The following VWA8 variants were observed in gnomAD, a reference collection of about 807,000 sequenced individuals.
VWA8 encodes the protein von Willebrand factor A domain containing 8.
Under a neutral mutation model 241.5 loss-of-function variants are expected in VWA8, and 221 were observed. The ratio of observed to expected loss-of-function variants is 0.91; its 90% CI spans 0.82 to 1.02. The LOEUF is 1.02. VWA8 is among the 50% of genes least tolerant of loss of function. The pLI is 0.00. For missense variants in VWA8, 2,322 were observed against 2,328.7 expected (o/e 1.00, Z 0.06); for synonymous variants, 852 against 827.1 (o/e 1.03, Z -0.52).
chr13:41,638,792 T>C (rs1375127084), intron 37 of VWA8, among the ~76,000 whole-genome samples: 2 of 152,130 alleles, frequency 1.3e-5, no homozygotes, highest in African/African-American at 4.8e-5. Context: ...ATTAGAATGA[T>C]AGGAGGTGAG....
intron 35 of VWA8, among the ~76,000 whole-genome samples, chr13:41,682,623 C>T (rs1029619366): frequency 2.0e-5 from 3 of 152,090 alleles, no homozygotes; most frequent in Non-Finnish European, 4.4e-5. Flanking sequence ...TGGCATGTGC[C>T]TGTAGTCTCA....
intron 19 of VWA8, among the ~76,000 whole-genome samples, chr13:41,782,824 T>A (rs1482522367): frequency 2.0e-5 from 3 of 151,904 alleles, no homozygotes; most frequent in Non-Finnish European, 4.4e-5. Flanking sequence ...CATTTTTATA[T>A]TATAGGTAAT....
intron 9 of VWA8, among the ~76,000 whole-genome samples, chr13:41,870,541 GGT>G (rs1873543886): frequency 6.6e-6 from 1 of 151,500 alleles, no homozygotes; most frequent in Admixed American, 6.6e-5. Flanking sequence ...CGGGAGGCTG[GGT>G]CAGGAGAATC....
At chr13:41,881,392 T>C (rs1315426732) in intron 9 of VWA8, among the ~76,000 whole-genome samples, 1 of 23,122 alleles carries the variant, frequency 4.3e-5, no homozygotes, top group Admixed American at 8.1e-4. Context: ...GGGGGGGGGG[T>C]AAGGTCACAG....
intron 1 of VWA8, among the ~76,000 whole-genome samples, chr13:41,958,740 C>T (rs542922372): frequency 6.6e-6 from 1 of 152,332 alleles, no homozygotes; most frequent in South Asian, 2.1e-4. Context: ...ACAGTTCTCA[C>T]ACCCTCAAAA....
chr13:41,754,715 T>C (rs2045681409), intron 21 of VWA8, among the ~76,000 whole-genome samples: 1 of 152,100 alleles, frequency 6.6e-6, no homozygotes, highest in Non-Finnish European at 1.5e-5. Context: ...ATAACTATAT[T>C]TTTGTACTCA....
chr13:41,763,326 T>C (rs1218985425), intron 20 of VWA8, among the ~76,000 whole-genome samples: 1 of 150,582 alleles, frequency 6.6e-6, no homozygotes, highest in South Asian at 2.1e-4. Flanking sequence ...GATAGATAGA[T>C]AGATAGATAG....
rs1231581938 is a variant in VWA8 at position 41,699,108 on chromosome 13, C to T, written c.3527G>A (p.Ser1176Asn). Reference protein sequence around the residue: ...HPFVTVAPLGSPLKGQVVLHE... With the variant: ...HPFVTVAPLGNPLKGQVVLHE... Reference sequence around the variant, plus strand: ...GAGAACCACTTGACCTTTGAGAGGACTTCCCAGCGGTGCCACTGTCACAAA... The same window carrying T: ...GAGAACCACTTGACCTTTGAGAGGATTTCCCAGCGGTGCCACTGTCACAAA... The change falls in exon 29 of 45, where the codon AGT (serine) becomes AAT (asparagine). Residue 1176 changes from serine to asparagine, a missense_variant. By Grantham distance (46) the Ser-to-Asn change is conservative (BLOSUM62 1). Coordinates refer to ENST00000379310, the MANE Select transcript of VWA8 (RefSeq NM_015058.2). The T allele has an allele frequency of 6.2e-7, 1 of 1,613,866 alleles. No individual in the cohort carries two copies. Among genetic ancestry groups the T allele is most frequent in the Non-Finnish European group, 8.5e-7 (1 of 1,179,908 alleles).
At chr13:41,830,441 G>A in intron 14 of VWA8, 88 bp downstream of exon 14, 1 of 1,069,668 alleles carries the variant, frequency 9.3e-7, no homozygotes, top group East Asian at 2.7e-5. Flanking sequence ...AGTTATCTTG[G>A]CATTATTCTA....
chr13:41,799,400 TCA>T (rs1869847701), intron 17 of VWA8, among the ~76,000 whole-genome samples: 1 of 152,206 alleles, frequency 6.6e-6, no homozygotes, highest in Non-Finnish European at 1.5e-5. Context: ...ACATGGACCC[TCA>T]CACCTGCACC....
rs750130861 is a variant in VWA8 at position 41,885,908 on chromosome 13, T to C, written c.975+12A>G. The C allele has an allele frequency of 1.3e-6, 2 of 1,554,042 alleles. No homozygotes were observed. Among genetic ancestry groups the C allele is most frequent in the Non-Finnish European group, 1.7e-6 (2 of 1,151,448 alleles). On this transcript the variant is annotated intron_variant, in intron 8 of 44. Coordinates refer to ENST00000379310, the MANE Select transcript of VWA8 (RefSeq NM_015058.2). ...TATTTGGGTATGCCAGTCATTAATTTATTTTACTTACCAAGATTTGAACCG... is the reference window on the plus strand; with the variant it reads ...TATTTGGGTATGCCAGTCATTAATTCATTTTACTTACCAAGATTTGAACCG...
In VWA8 at chr13:41,887,328, T is replaced by C. The variant is rs765527614; in HGVS notation, c.685A>G (p.Ile229Val). 1.2e-6 allele frequency: 2 copies of C among 1,612,842 alleles called. No individual in the cohort carries two copies. Among genetic ancestry groups the C allele is most frequent in the South Asian group, 2.2e-5 (2 of 90,852 alleles). The change falls in exon 6 of 45, where the codon ATT becomes GTT. Residue 229 changes from isoleucine to valine, a missense_variant. Transcript: ENST00000379310. Reference protein sequence around the residue: ...HTKKELDSWKIVRVSENFRVI... With the variant: ...HTKKELDSWKVVRVSENFRVI... Reference sequence around the variant, plus strand: ...CGGAAATTTTCACTAACTCGGACAATTTTCCAAGAATCCAACTCTTTTTTG... The same window carrying C: ...CGGAAATTTTCACTAACTCGGACAACTTTCCAAGAATCCAACTCTTTTTTG...
At chr13:41,949,851 T>C (rs1250941684) in intron 2 of VWA8, 85 bp downstream of exon 2, 2 of 781,060 alleles carry the variant, frequency 2.6e-6, no homozygotes, top group South Asian at 2.0e-5. Flanking sequence ...GTTTATACTA[T>C]TCTCTCTAGC....
Position 41,727,232 on chromosome 13 carries a change from C to T in VWA8, c.2720G>A (p.Gly907Glu). The stretch of plus-strand genomic sequence containing the variant: ...GAAATCATTGCCTAGGAAAGGAAAT[C>T]CAGGTCTATTTGCCAGAACAATCAT... ...FRMIVLANRP[G>E]FPFLGNDFFG... The change falls in exon 24 of 45, where the codon GGA becomes GAA. Residue 907 changes from glycine to glutamate, a missense_variant. Transcript: ENST00000379310. 6.5e-7 allele frequency: 1 copy of T among 1,549,242 alleles called. No homozygotes were observed. The highest frequency in any genetic ancestry group is 8.7e-7 in the Non-Finnish European group (1 of 1,146,486).
At chr13:41,673,625 T>C (rs2045040718) in intron 36 of VWA8, among the ~76,000 whole-genome samples, 1 of 152,240 alleles carries the variant, frequency 6.6e-6, no homozygotes, top group Non-Finnish European at 1.5e-5. Context: ...AAATTTCATA[T>C]TGACTACATG....
intron 7 of VWA8, 69 bp from the exon 8 acceptor site, chr13:41,886,097 A>C: frequency 6.8e-6 from 7 of 1,029,836 alleles, no homozygotes; most frequent in Non-Finnish European, 2.8e-6. Context: ...TAAATATAAA[A>C]TACAGGGGCC....
At chr13:41,913,850 C>T (rs985144650) in intron 2 of VWA8, among the ~76,000 whole-genome samples, 3 of 152,206 alleles carry the variant, frequency 2.0e-5, no homozygotes, top group African/African-American at 7.2e-5. Context: ...AGACATTCAT[C>T]CCTAGCAGGA....
At chr13:41,929,681 T>C (rs2138138481) in intron 2 of VWA8, among the ~76,000 whole-genome samples, 2 of 152,316 alleles carry the variant, frequency 1.3e-5, no homozygotes, top group Middle Eastern at 3.4e-3. Flanking sequence ...CTTCAATAAA[T>C]GGTGCTGAGA....
rs1000614291 is a variant in VWA8, at chr13:41,830,849, T to C, written c.1587-207A>G. On this transcript the variant is annotated intron_variant, in intron 13 of 44. Transcript: ENST00000379310. ...TTTCTGTACTGGAGGGCAGTAGTCA[T>C]AAATATTTGATAGGGATATGAAAGA... 4.0e-5 allele frequency among the ~76,000 whole-genome samples: 6 copies of C among 151,838 alleles called. 2 individuals are homozygous for C. The highest frequency in any genetic ancestry group is 6.6e-5 in the Admixed American group (1 of 15,264).
Sources: allele counts gnomAD v4.1 joint callset (sites outside exome capture counted in the v4.1 genomes callset), GRCh38; gene constraint gnomAD v4.1.1; transcripts MANE v1.5; gene names NCBI Gene and HGNC (gene_info 2026-07-23, HGNC 2026-07-21).